USO1: variants seen among roughly 807,000 people sequenced by gnomAD.
The protein encoded by USO1 is USO1 vesicle transport factor, also known as general vesicular transport factor p115.
Under a neutral mutation model 124.5 loss-of-function variants are expected in USO1, and 57 were observed. That is an observed-to-expected ratio of 0.46 (90% confidence interval 0.37 to 0.57). The LOEUF is 0.57. Among genes scored for constraint, USO1 ranks in the 20% least tolerant of loss-of-function variants. The pLI is 0.00. For synonymous variants in USO1, 369 were observed against 362.8 expected (o/e 1.02, Z -0.19); for missense variants, 900 against 1,040.6 (o/e 0.86, Z 1.86).
chr4:75,728,370 C>G (rs556728038), intron 1 of USO1, among the ~76,000 whole-genome samples: 98 of 152,352 alleles, frequency 6.4e-4, no homozygotes, highest in Middle Eastern at 6.8e-3. Context: ...CGCCTATAAT[C>G]CCAGCACTTT....
At chr4:75,802,531 A>G (rs1211727811) in intron 17 of USO1, among the ~76,000 whole-genome samples, 3 of 152,154 alleles carry the variant, frequency 2.0e-5, no homozygotes, top group African/African-American at 7.2e-5. Flanking sequence ...TAGAACTATA[A>G]AATGTTTATA....
At position 75,799,714 on chromosome 4, in the gene USO1, T is replaced by G. The variant is rs1311372122; in HGVS notation, c.1545T>G (p.Asn515Lys). ...CPIAVTHFLH[N>K]SANVPFLTGQ... ...TTGCAGTAACGCATTTTCTTCACAA[T>G]TCAGCCAATGTTCCATTTGTATCCT... Residue 515 changes from asparagine to lysine, a missense_variant, in exon 14 of 24, where the codon AAT becomes AAG. Physicochemically the swap from Asn to Lys is moderately conservative, Grantham distance 94 (BLOSUM62 0). Coordinates refer to ENST00000514213, the MANE Select transcript of USO1 (RefSeq NM_003715.4). The G allele has an allele frequency of 1.9e-6, 3 of 1,613,782 alleles. No homozygotes were observed. The Admixed American group carries it at 5.0e-5, about 27-fold the overall frequency.
At chr4:75,764,944 A>G (rs1577946349) in intron 4 of USO1, among the ~76,000 whole-genome samples, 1 of 151,968 alleles carries the variant, frequency 6.6e-6, no homozygotes, top group East Asian at 1.9e-4. Flanking sequence ...CAGAGCATAT[A>G]CTCCCCATCC....
rs1444007623 is a variant in USO1, at chr4:75,813,242, G to A, written c.2836G>A (p.Glu946Lys). The A allele has an allele frequency of 1.9e-6, 3 of 1,611,008 alleles. No homozygotes were observed. The highest frequency in any genetic ancestry group is 2.5e-6 in the Non-Finnish European group (3 of 1,179,056). Residue 946 changes from glutamate (E) to lysine (K), a missense_variant, in exon 24 of 24, where the codon GAG (glutamate) becomes AAG (lysine). Coordinates refer to ENST00000514213, the MANE Select transcript of USO1 (RefSeq NM_003715.4). Reference protein sequence around the residue: ...EEDELESGDQEDEDDESEDPG... With the variant: ...EEDELESGDQKDEDDESEDPG... Reference sequence around the variant, plus strand: ...GGATGAACTTGAATCTGGAGACCAAGAGGATGAGGATGATGAAAGTGAAGA... The same window carrying A: ...GGATGAACTTGAATCTGGAGACCAAAAGGATGAGGATGATGAAAGTGAAGA...
Position 75,804,276 on chromosome 4 carries a change from A to G in USO1, c.2125+4A>G. On this transcript the variant is annotated splice_donor_region_variant and intron_variant, in intron 18 of 23. Transcript: ENST00000514213. ...AATCTTCTTAAAATACAGCTAGGTA[A>G]GCATAGCTAAGCCATCACTATGATA... The G allele has an allele frequency of 6.2e-7, 1 of 1,608,430 alleles. No individual in the cohort carries two copies.
intron 3 of USO1, among the ~76,000 whole-genome samples, chr4:75,753,297 G>A (rs1432921029): frequency 1.3e-5 from 2 of 151,926 alleles, no homozygotes; most frequent in African/African-American, 4.8e-5. Context: ...ACTTTGGGAA[G>A]CCGAGGCAGG....
In USO1 at chr4:75,811,731, G is replaced by C. The variant is rs531789588; in HGVS notation, c.2584-429G>C. On this transcript the variant is annotated intron_variant, in intron 22 of 23. Transcript: ENST00000514213. Reference sequence around the variant, plus strand: ...ATTTTTAAACCATAGATTTTTATTTGAAGCTATTTTCATTTAATTGTATGC... The same window carrying C: ...ATTTTTAAACCATAGATTTTTATTTCAAGCTATTTTCATTTAATTGTATGC... Among the ~76,000 whole-genome samples the C allele has an allele frequency of 3.3e-5, 5 of 152,234 alleles. No individual in the cohort carries two copies. The East Asian group carries it at 7.7e-4, about 24-fold the overall frequency.
intron 13 of USO1, chr4:75,795,260 T>C (rs1722645103): frequency 1.4e-6 from 1 of 696,678 alleles, no homozygotes; most frequent in South Asian, 1.5e-5. Flanking sequence ...TGAAAAAGTA[T>C]TTGAGGGATT....
chr4:75,800,850 ATTGTACATGTAT>A, intron 16 of USO1, 51 bp downstream of exon 16: 2 of 1,560,184 alleles, frequency 1.3e-6, no homozygotes, highest in Non-Finnish European at 1.7e-6. Flanking sequence ...TTATATTTAT[ATTGTACATGTAT>A]ATTCTGGATG....
At chr4:75,786,402 C>T (rs190221636) in intron 9 of USO1, among the ~76,000 whole-genome samples, 5 of 152,232 alleles carry the variant, frequency 3.3e-5, no homozygotes, top group Non-Finnish European at 4.4e-5. Flanking sequence ...TATATATACA[C>T]ATAACTCTAG....
chr4:75,798,186 A>G (rs557444366), intron 13 of USO1, among the ~76,000 whole-genome samples: 45 of 151,958 alleles, frequency 3.0e-4, no homozygotes, highest in Non-Finnish European at 5.0e-4. Context: ...TCCTTCAATT[A>G]GACCCCAAAA....
intron 21 of USO1, 133 bp downstream of exon 21, chr4:75,809,184 A>G (rs1424131501): frequency 2.0e-5 from 21 of 1,060,666 alleles, no homozygotes; most frequent in Non-Finnish European, 2.6e-5. Flanking sequence ...CCGGTATTCT[A>G]GTAACATAGG....
Position 75,787,132 on chromosome 4 carries a change from A to C in USO1, c.926A>C (p.Gln309Pro). The stretch of plus-strand genomic sequence containing the variant: ...AGTAGCTGCCAGAAGGCTATGTTCC[A>C]GTGTGGGTTATTGCAGCAGCTTTGT... ...ATSSCQKAMFQCGLLQQLCTI... is the reference protein window; with the variant it reads ...ATSSCQKAMFPCGLLQQLCTI... The change falls in exon 10 of 24, where the codon CAG (glutamine) becomes CCG (proline). Residue 309 changes from glutamine (Q) to proline (P), a missense_variant. Gln to Pro is a moderately conservative substitution (Grantham distance 76). This residue lies in a region of USO1 where 538 missense variants were observed against 681.6 expected (regional missense o/e 0.79). Coordinates refer to ENST00000514213, the MANE Select transcript of USO1 (RefSeq NM_003715.4). The C allele has an allele frequency of 6.2e-7, 1 of 1,607,934 alleles. No individual in the cohort carries two copies. Among genetic ancestry groups the C allele is most frequent in the Non-Finnish European group, 8.5e-7 (1 of 1,177,404 alleles).
chr4:75,775,677 T>A (rs1449175616), intron 8 of USO1, among the ~76,000 whole-genome samples: 2 of 152,300 alleles, frequency 1.3e-5, no homozygotes, highest in East Asian at 3.9e-4. Context: ...GAAAAAAAAC[T>A]CAGTTTTTCA....
intron 1 of USO1, among the ~76,000 whole-genome samples, chr4:75,725,229 C>G (rs1720382851): frequency 6.6e-6 from 1 of 152,278 alleles, no homozygotes; most frequent in East Asian, 1.9e-4. Flanking sequence ...CCCCTCGGGG[C>G]CGTGGGCCCC....
At chr4:75,798,299 A>G (rs999900845) in intron 13 of USO1, among the ~76,000 whole-genome samples, 7 of 152,106 alleles carry the variant, frequency 4.6e-5, no homozygotes, top group Non-Finnish European at 8.8e-5. Context: ...CATTGTGGGT[A>G]TATTTGGTAC....
At chr4:75,744,820 T>C in intron 1 of USO1, 1 of 381,592 alleles carries the variant, frequency 2.6e-6, no homozygotes, top group East Asian at 7.5e-5. Context: ...AAGGCCCCCA[T>C]GAATGGACAT....
At chr4:75,760,212 AAAAAT>A (rs1437393413) in intron 4 of USO1, among the ~76,000 whole-genome samples, 10 of 152,206 alleles carry the variant, frequency 6.6e-5, no homozygotes, top group African/African-American at 1.2e-4. Flanking sequence ...ACTCTGTCTC[AAAAAT>A]AAAATAAAAT....
chr4:75,766,700 T>C (rs1338996840), intron 4 of USO1, among the ~76,000 whole-genome samples: 1 of 152,226 alleles, frequency 6.6e-6, no homozygotes, highest in East Asian at 1.9e-4. Flanking sequence ...GTTCTACTTA[T>C]TTTAAATCCT....
Sources: allele counts gnomAD v4.1 joint callset (sites outside exome capture counted in the v4.1 genomes callset), GRCh38; gene constraint gnomAD v4.1.1; regional missense constraint gnomAD v4.1.1; transcripts MANE v1.5; gene names NCBI Gene and HGNC (gene_info 2026-07-23, HGNC 2026-07-21).